The following USP48 variants were observed in gnomAD, a reference collection of about 807,000 sequenced individuals.
The protein encoded by USP48 is ubiquitin carboxyl-terminal hydrolase 48.
Under a neutral mutation model 150.7 loss-of-function variants are expected in USP48, and 43 were observed. That is an observed-to-expected ratio of 0.29 (90% CI 0.22 to 0.37). The LOEUF is 0.37. Ranked by LOEUF, USP48 falls within the 10% of genes least tolerant of loss-of-function variation. The pLI is 1.00. For missense variants in USP48, 813 were observed against 1,249.6 expected (o/e 0.65, Z 5.27); for synonymous variants, 396 against 425.9 (o/e 0.93, Z 0.86).
At chr1:21,724,132 T>C (rs764579659) in intron 11 of USP48, 37 bp from the exon 12 acceptor site, 1 of 1,597,614 alleles carries the variant, frequency 6.3e-7, no homozygotes, top group South Asian at 1.1e-5. Flanking sequence ...CTATGTATTT[T>C]TACAGTTTTT....
intron 26 of USP48, among the ~76,000 whole-genome samples, chr1:21,680,236 A>T (rs1017112515): frequency 1.3e-5 from 2 of 152,254 alleles, no homozygotes; most frequent in African/African-American, 4.8e-5. Flanking sequence ...CAGCAACAGG[A>T]AAATCCGAAA....
chr1:21,771,225 G>GT (rs2097879292), intron 1 of USP48, among the ~76,000 whole-genome samples: 1 of 151,282 alleles, frequency 6.6e-6, no homozygotes, highest in Non-Finnish European at 1.5e-5. Flanking sequence ...AATACAAAAA[G>GT]TAGCCGGGAG....
chr1:21,700,012 GTAGAGTCAACTAA>G (rs2097650644), intron 22 of USP48, among the ~76,000 whole-genome samples: 1 of 146,190 alleles, frequency 6.8e-6, no homozygotes. Flanking sequence ...AGACATATTA[GTAGAGTCAACTAA>G]TATGTCTCCA....
chr1:21,753,116 T>C lies in USP48; in HGVS notation c.416A>G (p.Tyr139Cys). The C allele has an allele frequency of 1.3e-6, 2 of 1,595,028 alleles. No individual in the cohort carries two copies. Among genetic ancestry groups the C allele is most frequent in the Non-Finnish European group, 1.7e-6 (2 of 1,175,358 alleles). The change falls in exon 4 of 27, where the codon TAT (tyrosine) becomes TGT (cysteine). Residue 139 changes from tyrosine (Y) to cysteine (C), a missense_variant. Tyr to Cys is a radical substitution (Grantham distance 194). Coordinates refer to ENST00000308271, the MANE Select transcript of USP48 (RefSeq NM_032236.8). ...LGDGIQEEKD[Y>C]EPQTICEHLQ... Reference sequence around the variant, plus strand: ...ATGCTCACAAATTGTTTGAGGCTCATAATCTATTAAAACAAAAATATAGAT... The same window carrying C: ...ATGCTCACAAATTGTTTGAGGCTCACAATCTATTAAAACAAAAATATAGAT...
chr1:21,736,843 A>G (rs1359548279), intron 8 of USP48, among the ~76,000 whole-genome samples: 1 of 152,086 alleles, frequency 6.6e-6, no homozygotes, highest in East Asian at 1.9e-4. Flanking sequence ...TTAATTCTCC[A>G]AGCCTCTGCA....
At chr1:21,776,886 G>A (rs2097900653) in intron 1 of USP48, among the ~76,000 whole-genome samples, 1 of 151,936 alleles carries the variant, frequency 6.6e-6, no homozygotes, top group Non-Finnish European at 1.5e-5. Context: ...GGCGGAGGCT[G>A]CAGTGAGCCG....
chr1:21,748,677 G>A (rs563132119), intron 6 of USP48, among the ~76,000 whole-genome samples: 19 of 152,246 alleles, frequency 1.2e-4, no homozygotes, highest in Non-Finnish European at 2.2e-4. Context: ...TTGGGAGGCC[G>A]AGGTGGGTGG....
At chr1:21,761,217 T>C (rs1292176485) in intron 1 of USP48, among the ~76,000 whole-genome samples, 1 of 152,084 alleles carries the variant, frequency 6.6e-6, no homozygotes, top group East Asian at 1.9e-4. Flanking sequence ...CATTATAAAC[T>C]GGAAACAACC....
At chr1:21,781,087 A>G (rs1289172968) in intron 1 of USP48, among the ~76,000 whole-genome samples, 1 of 150,072 alleles carries the variant, frequency 6.7e-6, no homozygotes, top group Admixed American at 6.6e-5. Context: ...TATTTTTTTA[A>G]ATTTATCCAG....
chr1:21,729,678 G>A, intron 10 of USP48, 26 bp downstream of exon 10: 4 of 1,609,378 alleles, frequency 2.5e-6, no homozygotes, highest in Non-Finnish European at 3.4e-6. Flanking sequence ...ACATTTGCCT[G>A]CTATAATCCT....
chr1:21,724,380 C>T (rs1424109410), intron 11 of USP48: 2 of 578,556 alleles, frequency 3.5e-6, no homozygotes, highest in Non-Finnish European at 6.1e-6. Context: ...CACATAGAGT[C>T]TTGCCGAATA....
chr1:21,714,698 T>C (rs528505592), intron 15 of USP48, among the ~76,000 whole-genome samples: 1 of 152,346 alleles, frequency 6.6e-6, no homozygotes, highest in South Asian at 2.1e-4. Flanking sequence ...CACGATCATC[T>C]TGTAAAAGCT....
In USP48 at chr1:21,721,772, C is replaced by T. The variant is rs1303961924; in HGVS notation, c.1649-8G>A. 6.5e-7 allele frequency: 1 copy of T among 1,549,818 alleles called. No individual in the cohort carries two copies. Among genetic ancestry groups the T allele is most frequent in the Non-Finnish European group, 8.8e-7 (1 of 1,140,426 alleles). On this transcript the variant is annotated splice_region_variant and splice_polypyrimidine_tract_variant and intron_variant, in intron 12 of 26. Transcript: ENST00000308271. ...CCTTACACAGGGCTTTCACTACAGG[C>T]AAGAAAGAATGAAAGGAAATATATT...
chr1:21,776,818 G>T (rs573085157), intron 1 of USP48, among the ~76,000 whole-genome samples: 160 of 152,092 alleles, frequency 1.1e-3, no homozygotes, highest in African/African-American at 3.6e-3. Flanking sequence ...GCCGGGCGTG[G>T]TGCCTGCAAT....
chr1:21,706,627 C>T (rs565011536), intron 16 of USP48, 38 bp from the exon 17 acceptor site: 5 of 1,613,898 alleles, frequency 3.1e-6, no homozygotes, highest in African/African-American at 2.7e-5. Flanking sequence ...CTCCTGCTGA[C>T]AGCACATGAC....
chr1:21,754,643 G>A (rs1008713807), intron 3 of USP48, among the ~76,000 whole-genome samples: 16 of 152,174 alleles, frequency 1.1e-4, no homozygotes, highest in African/African-American at 3.9e-4. Context: ...TCTGTCACCA[G>A]CCTGCTGCAG....
intron 6 of USP48, among the ~76,000 whole-genome samples, chr1:21,749,585 T>G (rs922274097): frequency 1.3e-5 from 2 of 152,118 alleles, no homozygotes; most frequent in Admixed American, 6.5e-5. Context: ...AGTCTGCAAA[T>G]TAAAAAAAAA....
intron 8 of USP48, among the ~76,000 whole-genome samples, chr1:21,745,343 T>C (rs1224957045): frequency 2.0e-5 from 3 of 152,014 alleles, no homozygotes; most frequent in Non-Finnish European, 4.4e-5. Flanking sequence ...TGGTGGCTCA[T>C]GCCTGTAATC....
chr1:21,758,649 T>C (rs1032402126), intron 1 of USP48, among the ~76,000 whole-genome samples: 6 of 150,556 alleles, frequency 4.0e-5, no homozygotes, highest in South Asian at 2.1e-4. Context: ...ACTTGGGAGG[T>C]TGTGGCAGAA....
Sources: gnomAD v4.1 joint callset for allele counts (sites outside exome capture counted in the v4.1 genomes callset) on GRCh38, gnomAD v4.1.1 for gene constraint, MANE v1.5 for transcripts, NCBI Gene and HGNC (gene_info 2026-07-23, HGNC 2026-07-21) for gene names.